Variants in GPC5 observed in about 807,000 individuals in gnomAD.
GPC5 encodes the protein glypican 5.
In GPC5, 47 loss-of-function variants were observed where a neutral mutation model predicts 53.9. The observed-to-expected ratio is 0.87, with a 90% CI of 0.69 to 1.11. The LOEUF is 1.11. Among genes scored for constraint, GPC5 ranks in the 50% most tolerant of loss-of-function variants. The probability of loss-of-function intolerance (pLI) is 0.00; values close to 1 mark genes in which losing one functional copy is unlikely to be tolerated. For missense variants in GPC5, 748 were observed against 713.1 expected, an observed-to-expected ratio of 1.05 and a Z score of -0.56; for synonymous variants, 286 against 263.3, an observed-to-expected ratio of 1.09 and a Z score of -0.84.
At chr13:91,818,607 A>T (rs770307412) in intron 5 of GPC5, among the ~76,000 whole-genome samples, 2 of 152,170 alleles carry the variant, frequency 1.3e-5, no homozygotes, top group Non-Finnish European at 2.9e-5. Flanking sequence ...ACTGATGGAG[A>T]TAACCATGGT....
rs1020846023 is a variant in GPC5 at position 92,371,575 on chromosome 13, G to T, written c.1561+226586G>T. Among the ~76,000 whole-genome samples the T allele has an allele frequency of 2.6e-5, 4 of 152,116 alleles. No homozygotes were observed. In the East Asian group the frequency reaches 7.7e-4, roughly 29 times the overall value. The stretch of plus-strand genomic sequence containing the variant: ...ATTGACTCACAGTTTTGCATAGCTG[G>T]GAAGGACTCAGGAAACTTATGATCA... On this transcript the variant is annotated intron_variant, in intron 7 of 7. Transcript: ENST00000377067.
At chr13:92,183,638 G>A (rs1593971406) in intron 7 of GPC5, among the ~76,000 whole-genome samples, 2 of 152,124 alleles carry the variant, frequency 1.3e-5, no homozygotes, top group East Asian at 3.9e-4. Context: ...TATTTTGGTT[G>A]CAATAAATGT....
chr13:91,757,809 G>A (rs998245304), intron 5 of GPC5, among the ~76,000 whole-genome samples: 27 of 152,196 alleles, frequency 1.8e-4, no homozygotes, highest in African/African-American at 6.5e-4. Flanking sequence ...TCTATATGCA[G>A]ATAGGTGGTT....
At chr13:92,522,311 A>G (rs1832697874) in intron 7 of GPC5, among the ~76,000 whole-genome samples, 1 of 152,188 alleles carries the variant, frequency 6.6e-6, no homozygotes, top group Non-Finnish European at 1.5e-5. Flanking sequence ...ATAAAAACAC[A>G]TGCACACGTA....
At chr13:91,568,408 G>A (rs1594265571) in intron 2 of GPC5, among the ~76,000 whole-genome samples, 1 of 152,118 alleles carries the variant, frequency 6.6e-6, no homozygotes, top group Non-Finnish European at 1.5e-5. Context: ...AAATGCTTCA[G>A]TAGATCAGCA....
At chr13:92,521,767 A>C (rs893767703) in intron 7 of GPC5, among the ~76,000 whole-genome samples, 2 of 152,238 alleles carry the variant, frequency 1.3e-5, no homozygotes, top group African/African-American at 4.8e-5. Context: ...AGAAGCCAAA[A>C]TTGAGAAATG....
At chr13:92,272,384 A>G (rs1238089457) in intron 7 of GPC5, among the ~76,000 whole-genome samples, 1 of 152,190 alleles carries the variant, frequency 6.6e-6, no homozygotes, top group Non-Finnish European at 1.5e-5. Flanking sequence ...TTGGGGCTAC[A>G]TTGAGAAAAC....
intron 5 of GPC5, among the ~76,000 whole-genome samples, chr13:91,778,741 G>A (rs542827345): frequency 6.9e-4 from 105 of 152,176 alleles, no homozygotes; most frequent in Non-Finnish European, 1.0e-3. Context: ...CAATCATCAC[G>A]TAACTAATTA....
chr13:91,406,076 T>C (rs376112775), intron 1 of GPC5, among the ~76,000 whole-genome samples: 45 of 152,292 alleles, frequency 3.0e-4, no homozygotes, highest in African/African-American at 8.9e-4. Flanking sequence ...CTGGCCCTAA[T>C]TGAAATTTGA....
At chr13:92,018,469 G>A (rs2040728084) in intron 6 of GPC5, among the ~76,000 whole-genome samples, 1 of 151,934 alleles carries the variant, frequency 6.6e-6, no homozygotes. Flanking sequence ...TAACGTGCCT[G>A]TTTTTTATTC....
chr13:91,745,731 G>A (rs979422661), intron 4 of GPC5, among the ~76,000 whole-genome samples: 27 of 151,900 alleles, frequency 1.8e-4, no homozygotes, highest in Admixed American at 1.5e-3. Context: ...TGCTCTTTTG[G>A]AAAAAAAATT....
chr13:91,847,111 C>A (rs76745038), intron 5 of GPC5, among the ~76,000 whole-genome samples: 7,298 of 147,582 alleles, frequency 0.049, 367 homozygotes, highest in East Asian at 0.23. Flanking sequence ...CCCAGCTACT[C>A]GGGAGGCTGA....
chr13:92,347,882 T>TAATATATATATAA (rs1491589093), intron 7 of GPC5, among the ~76,000 whole-genome samples: 1 of 2,336 alleles, frequency 4.3e-4, no homozygotes, highest in African/African-American at 3.2e-3. Flanking sequence ...ATAATATATA[T>TAATATATATATAA]TATATATATT....
intron 5 of GPC5, among the ~76,000 whole-genome samples, chr13:91,776,737 G>C (rs184273107): frequency 6.6e-6 from 1 of 152,244 alleles, no homozygotes; most frequent in East Asian, 1.9e-4. Context: ...AAAATGACTA[G>C]TGTATTTTTT....
intron 4 of GPC5, among the ~76,000 whole-genome samples, chr13:91,749,497 G>A (rs1239002219): frequency 2.0e-5 from 3 of 152,136 alleles, no homozygotes; most frequent in Non-Finnish European, 4.4e-5. Flanking sequence ...ACGACTACAG[G>A]TATCTTTTGA....
At chr13:92,110,936 A>G (rs889783128) in intron 6 of GPC5, among the ~76,000 whole-genome samples, 1 of 152,176 alleles carries the variant, frequency 6.6e-6, no homozygotes, top group African/African-American at 2.4e-5. Context: ...CATTTACACA[A>G]TTAGTCAAAA....
chr13:92,507,482 T>A (rs1219639314), intron 7 of GPC5, among the ~76,000 whole-genome samples: 2 of 152,196 alleles, frequency 1.3e-5, no homozygotes, highest in Non-Finnish European at 2.9e-5. Flanking sequence ...GGTGTAGTAT[T>A]TGAAAATGTG....
chr13:92,104,765 A>G (rs976054400), intron 6 of GPC5, among the ~76,000 whole-genome samples: 8 of 152,074 alleles, frequency 5.3e-5, no homozygotes, highest in African/African-American at 1.4e-4. Flanking sequence ...TGAGAGTTTT[A>G]ATCCAGATCT....
intron 7 of GPC5, among the ~76,000 whole-genome samples, chr13:92,408,369 T>A (rs1042727859): frequency 1.3e-5 from 2 of 152,172 alleles, no homozygotes; most frequent in African/African-American, 4.8e-5. Context: ...TTTTCTATCA[T>A]AATTTGTGTT....
Sources: gnomAD v4.1 joint callset for allele counts (sites outside exome capture counted in the v4.1 genomes callset) on GRCh38, gnomAD v4.1.1 for gene constraint, MANE v1.5 for transcripts, NCBI Gene and HGNC (gene_info 2026-07-23, HGNC 2026-07-21) for gene names.